UNC13D: variants seen among roughly 807,000 people sequenced by gnomAD.
The protein encoded by UNC13D is protein unc-13 homolog D.
In UNC13D, 115 loss-of-function variants were observed where a neutral mutation model predicts 151.7. That is an observed-to-expected ratio of 0.76 (90% CI 0.65 to 0.88). UNC13D has a LOEUF of 0.88. UNC13D is among the 40% of genes least tolerant of loss of function. UNC13D has a pLI of 0.00. For missense variants in UNC13D, 1,369 were observed against 1,438.7 expected, an observed-to-expected ratio of 0.95 and a Z score of 0.78; for synonymous variants, 588 against 612.2, an observed-to-expected ratio of 0.96 and a Z score of 0.58.
chr17:75,835,736 A>G lies in UNC13D; in HGVS notation c.1638T>C (p.Asp546=). Reference sequence around the variant, plus strand: ...TCTCGCCCATCTCTGGGGACACTACATCACCCACAACCGTCGTGTGGTCCT... The same window carrying G: ...TCTCGCCCATCTCTGGGGACACTACGTCACCCACAACCGTCGTGTGGTCCT... ...RVQDHTTVVG[D]VVSPEMGESL... The change falls in exon 19 of 32, where the codon GAT becomes GAC. Residue 546 remains aspartate, a synonymous_variant. Coordinates refer to ENST00000207549, the MANE Select transcript of UNC13D (RefSeq NM_199242.3). 2 of 1,613,762 alleles carry G rather than the reference A, an allele frequency of 1.2e-6. No homozygotes were observed. The highest frequency in any genetic ancestry group is 8.5e-7 in the Non-Finnish European group (1 of 1,180,010).
chr17:75,831,178 G>T lies in UNC13D; in HGVS notation c.2554-9C>A, dbSNP rs769699079. The T allele has an allele frequency of 1.9e-6, 3 of 1,614,144 alleles. No homozygotes were observed. In the East Asian group the frequency reaches 6.7e-5, roughly 36 times the overall value. On this transcript the variant is annotated splice_polypyrimidine_tract_variant and intron_variant, in intron 26 of 31. Transcript: ENST00000207549. ...AAGCAGATCTCCAGGTTCTGGGGGA[G>T]ATATCAGAGGTGACCCCAGGCACCC...
At chr17:75,842,656 G>A in intron 5 of UNC13D, 43 bp from the exon 6 acceptor site, 1 of 1,608,672 alleles carries the variant, frequency 6.2e-7, no homozygotes, top group Admixed American at 1.7e-5. Context: ...GGAGTCGGCT[G>A]GGTCCCTGGG....
Position 75,827,248 on chromosome 17 carries a change from T to C in UNC13D, c.*717A>G. On this transcript the variant is annotated 3_prime_UTR_variant, in exon 32 of 32. Transcript: ENST00000207549. ...TATTTTAAGAGGACAATGGATTTGT[T>C]TTTATTAATTTTTTTGCTAAGAAAG... is the stretch of plus-strand genomic sequence containing the variant. 2.4e-6 allele frequency: 1 copy of C among 418,240 alleles called. No individual in the cohort carries two copies. Among genetic ancestry groups the C allele is most frequent in the Non-Finnish European group, 4.1e-6 (1 of 242,186 alleles). The allele number at this position is 418,240 out of a possible 1,614,324, so 25.9% of individuals were successfully genotyped here.
At position 75,844,367 on chromosome 17, in the gene UNC13D, TG is replaced by T. The variant is rs773962839; in HGVS notation, c.-31del. 1 of 1,586,838 alleles carries T rather than the reference TG, an allele frequency of 6.3e-7. No individual in the cohort carries two copies. Among genetic ancestry groups the T allele is most frequent in the Non-Finnish European group, 8.6e-7 (1 of 1,167,312 alleles). On this transcript the variant is annotated 5_prime_UTR_variant, in exon 1 of 32. Coordinates refer to ENST00000207549, the MANE Select transcript of UNC13D (RefSeq NM_199242.3). ...GCCTTCTCTGCCCTTCCCTGTCCGCTGGTGCTGGGTGAAGACAGCGAAGCCA... is the reference window on the plus strand; with the variant it reads ...GCCTTCTCTGCCCTTCCCTGTCCGCTGTGCTGGGTGAAGACAGCGAAGCCA...
intron 21 of UNC13D, 24 bp downstream of exon 21, chr17:75,834,896 A>T: frequency 6.2e-7 from 1 of 1,613,566 alleles, no homozygotes; most frequent in African/African-American, 1.3e-5. Flanking sequence ...AAAGAGGGGG[A>T]AGGACACGTG....
rs777496354 is a variant in UNC13D at position 75,828,915 on chromosome 17, G to A, written c.3023C>T (p.Thr1008Met). ...GCCTTCCAGGTCGTCGGCCCCCAGC[G>A]TGTCGTAGTCCAGCACGGTGAGCAG... ...CLLLTVLDYD[T>M]LGADDLEGEA... The change falls in exon 31 of 32, where the codon ACG becomes ATG. Residue 1008 changes from threonine to methionine, a missense_variant. This residue lies in a region of UNC13D where 807 missense variants were observed against 795.5 expected (regional missense o/e 1.01). Coordinates refer to ENST00000207549, the MANE Select transcript of UNC13D (RefSeq NM_199242.3). 56 of 1,607,168 alleles carry A rather than the reference G, an allele frequency of 3.5e-5. No homozygotes were observed. Among genetic ancestry groups the A allele is most frequent in the Admixed American group, 1.7e-4 (10 of 59,958 alleles).
Position 75,844,311 on chromosome 17 carries a change from C to T in UNC13D, c.27G>A (p.Gln9=). ...CCTGGCGCAAGAAGGGAGGGCGCTG[C>T]TGCGGATGGGAGAGGAGTGTCGCCA... MATLLSHP[Q]QRPPFLRQAI... is the part of the protein sequence containing the mutation. Residue 9 remains glutamine (Q), a synonymous_variant, in exon 1 of 32, where the codon CAG becomes CAA. Transcript: ENST00000207549. The T allele has an allele frequency of 6.2e-7, 1 of 1,612,260 alleles. No homozygotes were observed.
intron 1 of UNC13D, 183 bp from the exon 2 acceptor site, chr17:75,843,702 C>A: frequency 6.9e-7 from 1 of 1,455,740 alleles, no homozygotes; most frequent in Non-Finnish European, 9.0e-7. Flanking sequence ...CGTCCCTGGG[C>A]CCGCCGTGGC....
chr17:75,828,995 G>A lies in UNC13D; in HGVS notation c.2955-12C>T, dbSNP rs889647946. The A allele has an allele frequency of 6.2e-7, 1 of 1,600,156 alleles. No homozygotes were observed. The highest frequency in any genetic ancestry group is 8.5e-7 in the Non-Finnish European group (1 of 1,179,020). On this transcript the variant is annotated splice_polypyrimidine_tract_variant and intron_variant, in intron 30 of 31. Transcript: ENST00000207549. ...CAGCAGGCACCAGGCTGCGGGGAGA[G>A]TCAGGGCTCTGCTGCCAGCCCCAGC...
intron 12 of UNC13D, 102 bp downstream of exon 12, chr17:75,839,737 G>A: frequency 7.9e-7 from 1 of 1,272,912 alleles, no homozygotes; most frequent in East Asian, 2.3e-5. Context: ...TGGGCCAAAG[G>A]GAACTCTGCT....
Position 75,840,213 on chromosome 17 carries a change from T to G in UNC13D, c.858+12A>C, listed in dbSNP as rs191712530. 710 of 1,613,760 alleles carry G rather than the reference T, an allele frequency of 4.4e-4. 2 individuals carry two copies. The highest frequency in any genetic ancestry group is 3.0e-3 in the Middle Eastern group (18 of 6,062). On this transcript the variant is annotated intron_variant, in intron 10 of 31. Transcript: ENST00000207549. This position sits in a 1 kb window ranked among gnomAD's most constrained non-coding sequence, Gnocchi z 4.6. The stretch of plus-strand genomic sequence containing the variant: ...GAGCTGGGCATGGCCACTGGCCCAG[T>G]ACCCGACCTACCCGCTTATGGATGA...
chr17:75,841,749 A>G (rs575663820), intron 6 of UNC13D, among the ~76,000 whole-genome samples: 1 of 128,326 alleles, frequency 7.8e-6, no homozygotes, highest in Non-Finnish European at 1.6e-5. Flanking sequence ...GGCCCCCACT[A>G]ATTTTTTTTT....
At position 75,831,289 on chromosome 17, in the gene UNC13D, T is replaced by A. The variant is rs747265361; in HGVS notation, c.2507A>T (p.Gln836Leu). The A allele has an allele frequency of 7.4e-6, 12 of 1,613,822 alleles. No individual in the cohort carries two copies. The highest frequency in any genetic ancestry group is 1.0e-5 in the Non-Finnish European group (12 of 1,180,026). ...LTVLVEAAAS[Q>L]RSSSLASNRL... The stretch of plus-strand genomic sequence containing the variant: ...GTTGGAAGCCAGGGATGAGCTGCGC[T>A]GGGAGGCGGCCGCCTCCACCAGCAC... The change falls in exon 26 of 32, where the codon CAG becomes CTG. Residue 836 changes from glutamine to leucine, a missense_variant. By Grantham distance (113) the Gln-to-Leu change is moderately radical. This residue lies in a region of UNC13D where 807 missense variants were observed against 795.5 expected (regional missense o/e 1.01). Coordinates refer to ENST00000207549, the MANE Select transcript of UNC13D (RefSeq NM_199242.3).
At position 75,832,238 on chromosome 17, in the gene UNC13D, C is replaced by A. The variant is rs1240372984; in HGVS notation, c.2447+728G>T. The A allele has an allele frequency of 1.3e-5, 2 of 152,284 alleles. No homozygotes were observed. The allele number at this position is 152,284 out of a possible 1,614,324, so 9.4% of individuals were successfully genotyped here. A position where few individuals can be genotyped will look rare whatever the true frequency, so the allele number is the denominator to read the frequency against. On this transcript the variant is annotated intron_variant, in intron 25 of 31. Transcript: ENST00000207549. This position sits in a 1 kb window ranked among gnomAD's most constrained non-coding sequence, Gnocchi z 4.3. Reference sequence around the variant, plus strand: ...AGGAGGGCTGCGGCCTCTTCAGGGCCCAGATTCCACAGGGAGGTGGGGCGC... The same window carrying A: ...AGGAGGGCTGCGGCCTCTTCAGGGCACAGATTCCACAGGGAGGTGGGGCGC...
At position 75,840,831 on chromosome 17, in the gene UNC13D, C is replaced by G; in HGVS notation, c.615-1G>C. On this transcript the variant is annotated splice_acceptor_variant, in intron 7 of 31. Transcript: ENST00000207549. LOFTEE classifies it high-confidence loss of function. This position sits in a 1 kb window ranked among gnomAD's most constrained non-coding sequence, Gnocchi z 4.6. ...GACAGACTCCACAGTGTCCAGGTCC[C>G]TGGCAGGACAGAGGTTTGAGAAGGA... is the stretch of plus-strand genomic sequence containing the variant. 6.2e-7 allele frequency: 1 copy of G among 1,614,090 alleles called. No homozygotes were observed. The highest frequency in any genetic ancestry group is 8.5e-7 in the Non-Finnish European group (1 of 1,180,034).
At chr17:75,836,297 C>T (rs776808809) in intron 15 of UNC13D, 41 bp from the exon 16 acceptor site, 2 of 1,613,172 alleles carry the variant, frequency 1.2e-6, no homozygotes, top group South Asian at 2.2e-5. Flanking sequence ...GACTGCCAGG[C>T]CCAGGCGCTG....
chr17:75,842,548 C>T lies in UNC13D; in HGVS notation c.454G>A (p.Gly152Arg), dbSNP rs760852005. 3 of 1,612,114 alleles carry T rather than the reference C, an allele frequency of 1.9e-6. No homozygotes were observed. Among genetic ancestry groups the T allele is most frequent in the Non-Finnish European group, 2.5e-6 (3 of 1,179,298 alleles). The change falls in exon 6 of 32, where the codon GGG (glycine) becomes AGG (arginine). Residue 152 changes from glycine (G) to arginine (R), a missense_variant. Gly to Arg is a moderately radical substitution (Grantham distance 125, BLOSUM62 -2). Coordinates refer to ENST00000207549, the MANE Select transcript of UNC13D (RefSeq NM_199242.3). Reference sequence around the variant, plus strand: ...ACAGCCTTCTGCCGATGCCGGGACCCGGGGCTGCCCCCTGGCACACCTACC... The same window carrying T: ...ACAGCCTTCTGCCGATGCCGGGACCTGGGGCTGCCCCCTGGCACACCTACC... ...QGVGVPGGSP[G>R]SRHRQKAVVR... is the part of the protein sequence containing the mutation.
Position 75,831,432 on chromosome 17 carries a change from G to A in UNC13D, c.2448-84C>T, listed in dbSNP as rs189055304. On this transcript the variant is annotated intron_variant, in intron 25 of 31. Transcript: ENST00000207549. Reference sequence around the variant, plus strand: ...GCAAAGACGCTCTTGAGAAAGGGGCGGCCTCAGTGACCCAGCCCCACCCCA... The same window carrying A: ...GCAAAGACGCTCTTGAGAAAGGGGCAGCCTCAGTGACCCAGCCCCACCCCA... 236 of 1,300,366 alleles carry A rather than the reference G, an allele frequency of 1.8e-4. 3 individuals are homozygous for A. In the East Asian group the frequency reaches 5.3e-3, roughly 29 times the overall value. The allele number at this position is 1,300,366 out of a possible 1,614,324, so 80.6% of individuals were successfully genotyped here.
chr17:75,843,844 GC>G, intron 1 of UNC13D: 1 of 1,374,928 alleles, frequency 7.3e-7, no homozygotes, highest in Non-Finnish European at 9.4e-7. Context: ...AGGCTCGGCA[GC>G]GGAGGTGAGG....
Sources: allele counts gnomAD v4.1 joint callset (sites outside exome capture counted in the v4.1 genomes callset), GRCh38; gene constraint gnomAD v4.1.1; regional missense constraint gnomAD v4.1.1; non-coding constraint Gnocchi (gnomAD v3.1); transcripts MANE v1.5; gene names NCBI Gene and HGNC (gene_info 2026-07-23, HGNC 2026-07-21).